Variants in CD44 observed in about 807,000 individuals in gnomAD.
CD44 encodes CD44 antigen.
In CD44, 49 loss-of-function variants were observed where a neutral mutation model predicts 88.8. The observed-to-expected ratio is 0.55, with a 90% confidence interval of 0.44 to 0.70. The LOEUF (loss-of-function observed/expected upper bound fraction) is 0.70. Ranked by LOEUF, CD44 falls within the 30% of genes least tolerant of loss-of-function variation. The probability of loss-of-function intolerance (pLI) is 0.00; values close to 1 mark genes in which losing one functional copy is unlikely to be tolerated. For synonymous variants in CD44, 325 were observed against 312.3 expected (o/e 1.04, Z -0.43); for missense variants, 883 against 913.8 (o/e 0.97, Z 0.43).
At chr11:35,221,186 G>A (rs1949267441) in intron 16 of CD44, among the ~76,000 whole-genome samples, 1 of 152,074 alleles carries the variant, frequency 6.6e-6, no homozygotes, top group South Asian at 2.1e-4. Context: ...TCATATTGTA[G>A]TGCGTAATGC....
intron 5 of CD44, among the ~76,000 whole-genome samples, chr11:35,195,126 AT>A (rs1378992604): frequency 6.6e-6 from 1 of 152,180 alleles, no homozygotes; most frequent in Non-Finnish European, 1.5e-5. Flanking sequence ...TGCAAAGTGT[AT>A]TGTTACAGGA....
Position 35,230,644 on chromosome 11 carries a change from C to T in CD44, c.*1311C>T, listed in dbSNP as rs1352435480. 1 of 152,124 alleles carries T rather than the reference C, an allele frequency of 6.6e-6. No homozygotes were observed. Among genetic ancestry groups the T allele is most frequent in the African/African-American group, 2.4e-5 (1 of 41,428 alleles). The allele number at this position is 152,124 out of a possible 1,614,324, so 9.4% of individuals were successfully genotyped here. On this transcript the variant is annotated 3_prime_UTR_variant, in exon 18 of 18. Coordinates refer to ENST00000428726, the MANE Select transcript of CD44 (RefSeq NM_000610.4). ...GTCCCTCAAAAGGTTAAAGGGATTC[C>T]CATCATTGGAATCTTATCACCAGAT...
At chr11:35,181,069 G>T (rs951547377) in intron 3 of CD44, among the ~76,000 whole-genome samples, 1 of 152,144 alleles carries the variant, frequency 6.6e-6, no homozygotes, top group African/African-American at 2.4e-5. Context: ...CAGTGTGATG[G>T]GAAGTCATTA....
intron 17 of CD44, among the ~76,000 whole-genome samples, chr11:35,223,740 G>T (rs10836344): frequency 0.49 from 74,947 of 152,110 alleles, 21,082 homozygotes; most frequent in African/African-American, 0.77. Flanking sequence ...AAAAGGTGGT[G>T]AACAGCTGTA....
rs557202588 is a variant in CD44 at position 35,186,604 on chromosome 11, G to A, written c.368-228G>A. On this transcript the variant is annotated intron_variant, in intron 3 of 17. Coordinates refer to ENST00000428726, the MANE Select transcript of CD44 (RefSeq NM_000610.4). ...ATTAATGAATGAATTCACTGTGGTG[G>A]GAAAATTTCCGGAAACTTCATAAGT... Among the ~76,000 whole-genome samples the A allele has an allele frequency of 3.3e-3, 507 of 152,178 alleles. 4 individuals carry two copies. The highest frequency in any genetic ancestry group is 0.012 in the African/African-American group (484 of 41,512).
At position 35,183,230 on chromosome 11, in the gene CD44, A is replaced by G. The variant is rs540838019; in HGVS notation, c.367+2823A>G. Among the ~76,000 whole-genome samples, 23 of 152,202 alleles carry G rather than the reference A, an allele frequency of 1.5e-4. No homozygotes were observed. In the South Asian group the frequency reaches 3.5e-3, roughly 23 times the overall value. ...TTAAGTTTAAAGGGAATATTTATTG[A>G]TCACCTCTATGTGCTCAGTACTGCA... On this transcript the variant is annotated intron_variant, in intron 3 of 17. Coordinates refer to ENST00000428726, the MANE Select transcript of CD44 (RefSeq NM_000610.4).
intron 4 of CD44, among the ~76,000 whole-genome samples, chr11:35,187,118 C>CA (rs1056373891): frequency 7.7e-4 from 117 of 151,922 alleles, no homozygotes; most frequent in African/African-American, 2.7e-3. Context: ...ACTAAAAATA[C>CA]AAAAAATTAG....
rs1435224844 is a variant in CD44 at position 35,229,142 on chromosome 11, A to G, written c.2038A>G (p.Lys680Glu). ...VNSRRRCGQK[K>E]KLVINSGNGA... is the part of the protein sequence containing the mutation. ...TTAAATTATTAGGTGTGGGCAGAAGAAAAAGCTAGTGATCAACAGTGGCAA... is the reference window on the plus strand; with the variant it reads ...TTAAATTATTAGGTGTGGGCAGAAGGAAAAGCTAGTGATCAACAGTGGCAA... Residue 680 changes from lysine (K) to glutamate (E), a missense_variant, in exon 18 of 18, where the codon AAA becomes GAA. Physicochemically the swap from Lys to Glu is moderately conservative, Grantham distance 56. Transcript: ENST00000428726. The G allele has an allele frequency of 4.3e-6, 7 of 1,613,772 alleles. No homozygotes were observed. The highest frequency in any genetic ancestry group is 5.9e-6 in the Non-Finnish European group (7 of 1,179,794).
intron 1 of CD44, among the ~76,000 whole-genome samples, chr11:35,141,952 G>C (rs1858061966): frequency 6.6e-6 from 1 of 152,208 alleles, no homozygotes; most frequent in African/African-American, 2.4e-5. Flanking sequence ...GGAAACTTTG[G>C]AAAGGAGCAA....
intron 2 of CD44, among the ~76,000 whole-genome samples, chr11:35,179,784 G>T (rs1306744999): frequency 6.6e-6 from 1 of 152,186 alleles, no homozygotes; most frequent in Non-Finnish European, 1.5e-5. Flanking sequence ...GGCTGAGAAA[G>T]AAGTGGGGGA....
At chr11:35,176,144 G>A (rs938055181) in intron 1 of CD44, among the ~76,000 whole-genome samples, 1 of 150,460 alleles carries the variant, frequency 6.6e-6, no homozygotes, top group African/African-American at 2.4e-5. Context: ...CCAGGTTCAT[G>A]CCATTCTCCT....
rs145413947 is a variant in CD44 at position 35,196,857 on chromosome 11, C to A, written c.779C>A (p.Thr260Lys). Residue 260 changes from threonine (T) to lysine (K), a missense_variant, in exon 6 of 18, where the codon ACA becomes AAA. Physicochemically the swap from Thr to Lys is moderately conservative, Grantham distance 78. Coordinates refer to ENST00000428726, the MANE Select transcript of CD44 (RefSeq NM_000610.4). ...TCAGAGTCAAAGAATCATCTTCACA[C>A]AACAACACAAATGGCTGGTAATGAG... Reference protein sequence around the residue: ...LPSESKNHLHTTTQMAGTSSN... With the variant: ...LPSESKNHLHKTTQMAGTSSN... 12 of 1,613,292 alleles carry A rather than the reference C, an allele frequency of 7.4e-6. No individual in the cohort carries two copies. Among genetic ancestry groups the A allele is most frequent in the Middle Eastern group, 1.6e-4 (1 of 6,080 alleles).
rs760380345 is a variant in CD44, at chr11:35,208,148, T to C, written c.1458T>C (p.Asn486=). The change falls in exon 12 of 18, where the codon AAT becomes AAC. Residue 486 remains asparagine, a synonymous_variant. Transcript: ENST00000428726. Reference sequence around the variant, plus strand: ...GTATAACGCTTCAGCCTACTGCAAATCCAAACACAGGTTTGGTGGAAGATT... The same window carrying C: ...GTATAACGCTTCAGCCTACTGCAAACCCAAACACAGGTTTGGTGGAAGATT... ...SHSITLQPTA[N]PNTGLVEDLD... 5.0e-6 allele frequency: 8 copies of C among 1,612,920 alleles called. No individual in the cohort carries two copies. Among genetic ancestry groups the C allele is most frequent in the Non-Finnish European group, 6.8e-6 (8 of 1,179,058 alleles).
chr11:35,158,310 A>G (rs751920534), intron 1 of CD44, among the ~76,000 whole-genome samples: 4 of 152,166 alleles, frequency 2.6e-5, no homozygotes, highest in Non-Finnish European at 5.9e-5. Context: ...GCTGTCAAGG[A>G]CGCATTGGGG....
intron 3 of CD44, among the ~76,000 whole-genome samples, chr11:35,181,111 A>G (rs1944945774): frequency 6.6e-6 from 1 of 152,204 alleles, no homozygotes. Flanking sequence ...ACATGAATCT[A>G]ATGATAGCTT....
chr11:35,173,148 T>A (rs1183947181), intron 1 of CD44, among the ~76,000 whole-genome samples: 1 of 152,256 alleles, frequency 6.6e-6, no homozygotes, highest in East Asian at 1.9e-4. Context: ...TTATTGTCCA[T>A]GCCTCAGAGT....
chr11:35,165,549 C>A (rs1284727996), intron 1 of CD44, among the ~76,000 whole-genome samples: 1 of 152,186 alleles, frequency 6.6e-6, no homozygotes, highest in East Asian at 1.9e-4. Context: ...GTACTTTAAT[C>A]CATTCGGTTC....
At chr11:35,201,543 G>T in intron 8 of CD44, 128 bp from the exon 9 acceptor site, 1 of 1,146,110 alleles carries the variant, frequency 8.7e-7, no homozygotes, top group Non-Finnish European at 1.2e-6. Flanking sequence ...CAAAATTTTT[G>T]AGAGTGGATG....
intron 11 of CD44, among the ~76,000 whole-genome samples, chr11:35,207,537 T>G (rs1947984775): frequency 6.6e-6 from 1 of 152,258 alleles, no homozygotes; most frequent in Admixed American, 6.5e-5. Context: ...CTTGGGTTTT[T>G]GGGAAGAATA....
Sources: gnomAD v4.1 joint callset for allele counts (sites outside exome capture counted in the v4.1 genomes callset) on GRCh38, gnomAD v4.1.1 for gene constraint, MANE v1.5 for transcripts, NCBI Gene and HGNC (gene_info 2026-07-23, HGNC 2026-07-21) for gene names.